The following MROH2A variants were observed in gnomAD, a reference collection of about 807,000 sequenced individuals.
MROH2A encodes the protein maestro heat like repeat family member 2A.
Under a neutral mutation model 200.4 loss-of-function variants are expected in MROH2A, and 174 were observed. That is an observed-to-expected ratio of 0.87 (90% CI 0.77 to 0.98). The LOEUF is 0.98. MROH2A is among the 50% of genes least tolerant of loss of function. The probability of loss-of-function intolerance (pLI) is 0.00; values close to 1 mark genes in which losing one functional copy is unlikely to be tolerated. For synonymous variants in MROH2A, 829 were observed against 840.4 expected (o/e 0.99, Z 0.23); for missense variants, 2,045 against 2,139.6 (o/e 0.96, Z 0.87).
chr2:233,827,665 A>G (rs17862900), intron 35 of MROH2A, among the ~76,000 whole-genome samples: 20,126 of 152,102 alleles, frequency 0.13, 1,483 homozygotes, highest in Non-Finnish European at 0.16. Context: ...GCAAACCACT[A>G]TGACACACGT....
At chr2:233,806,611 T>C (rs1231278983) in intron 19 of MROH2A, among the ~76,000 whole-genome samples, 1 of 152,146 alleles carries the variant, frequency 6.6e-6, no homozygotes, top group African/African-American at 2.4e-5. Context: ...TTCTCACTGA[T>C]CATGACGTAT....
At chr2:233,794,957 A>C (rs938244086) in intron 8 of MROH2A, among the ~76,000 whole-genome samples, 12 of 152,086 alleles carry the variant, frequency 7.9e-5, no homozygotes, top group Non-Finnish European at 1.0e-4. Context: ...ATGTTCTGTG[A>C]CTGTGGCAGC....
chr2:233,790,452 CCCTTCCTTCCTCCCTCCCT>C (rs372284787), intron 5 of MROH2A, among the ~76,000 whole-genome samples: 4,186 of 41,094 alleles, frequency 0.1, 340 homozygotes, highest in East Asian at 0.15. Flanking sequence ...CTCCCTCCCC[CCCTTCCTTCCTCCCTCCCT>C]CCTTCCTTCC....
Position 233,792,811 on chromosome 2 carries a change from C to T in MROH2A, c.587C>T (p.Pro196Leu), listed in dbSNP as rs1701867766. The change falls in exon 6 of 42, where the codon CCA becomes CTA. Residue 196 changes from proline to leucine, a missense_variant. Pro to Leu is a moderately conservative substitution (Grantham distance 98). This residue lies in a region of MROH2A where 831 missense variants were observed against 800.0 expected (regional missense o/e 1.04). Coordinates refer to ENST00000389758, the MANE Select transcript of MROH2A (RefSeq NM_001394639.1). ...AACCTCACAGTGTTTGAGTTCATGC[C>T]ATACATGGGCATCACCCTGGCTACC... is the stretch of plus-strand genomic sequence containing the variant. ...LANGNVFEFM[P>L]YMGITLATIF... 4 of 1,546,576 alleles carry T rather than the reference C, an allele frequency of 2.6e-6. No homozygotes were observed. In the African/African-American group the frequency reaches 5.5e-5, roughly 21 times the overall value.
chr2:233,789,603 C>A lies in MROH2A; in HGVS notation c.383C>A (p.Ser128Tyr). 1 of 1,479,702 alleles carries A rather than the reference C, an allele frequency of 6.8e-7. No individual in the cohort carries two copies. The highest frequency in any genetic ancestry group is 9.0e-7 in the Non-Finnish European group (1 of 1,113,414). 91.7% of individuals were successfully genotyped at this position (1,479,702 alleles called of 1,614,324 possible). ...QCVQRLVAIA[S>Y]KEMREIPEME... is the part of the protein sequence containing the mutation. ...GTGCAGAGGCTGGTGGCCATTGCCTCCAAGGAGATGAGGGAGATCCCAGAG... is the reference window on the plus strand; with the variant it reads ...GTGCAGAGGCTGGTGGCCATTGCCTACAAGGAGATGAGGGAGATCCCAGAG... The change falls in exon 4 of 42, where the codon TCC becomes TAC. Residue 128 changes from serine to tyrosine, a missense_variant. Around this residue, in one of 3 missense-constraint regions of MROH2A, gnomAD observed 831 missense variants for 800.0 expected, o/e 1.04. Coordinates refer to ENST00000389758, the MANE Select transcript of MROH2A (RefSeq NM_001394639.1).
chr2:233,813,774 T>C lies in MROH2A; in HGVS notation c.2756T>C (p.Ile919Thr), dbSNP rs550339882. Residue 919 changes from isoleucine to threonine, a missense_variant, in exon 25 of 42, where the codon ATT becomes ACT. Transcript: ENST00000389758. ...LQLPGEDNES[I>T]KTLYANALSS... ...CTCCCAGGAGAGGACAATGAGTCCA[T>C]TAAGGTAGGTCCCTCTGGGATGCCT... 3.1e-5 allele frequency: 47 copies of C among 1,528,284 alleles called. No homozygotes were observed. The highest frequency in any genetic ancestry group is 2.7e-5 in the Non-Finnish European group (30 of 1,126,870). 94.7% of individuals were successfully genotyped at this position (1,528,284 alleles called of 1,614,324 possible). A position where few individuals can be genotyped will look rare whatever the true frequency, so the allele number is the denominator to read the frequency against.
chr2:233,789,489 T>C lies in MROH2A; in HGVS notation c.277-8T>C. 1.4e-6 allele frequency: 2 copies of C among 1,410,568 alleles called. No individual in the cohort carries two copies. Among genetic ancestry groups the C allele is most frequent in the South Asian group, 1.7e-5 (1 of 58,898 alleles). The allele number at this position is 1,410,568 out of a possible 1,614,324, so 87.4% of individuals were successfully genotyped here. A position where few individuals can be genotyped will look rare whatever the true frequency, so the allele number is the denominator to read the frequency against. ...AGGTCCATTCCACCCACCATACTTG[T>C]TTCCCAGATTTCCACCCAGCGCAAG... On this transcript the variant is annotated splice_polypyrimidine_tract_variant and splice_region_variant and intron_variant, in intron 3 of 41. Transcript: ENST00000389758.
At position 233,814,659 on chromosome 2, in the gene MROH2A, GC is replaced by G; in HGVS notation, c.2839del (p.Leu947CysfsTer24). On this transcript the variant is annotated frameshift_variant, in exon 26 of 42. Transcript: ENST00000389758. LOFTEE classifies it high-confidence loss of function. ...LLQRQLDPKG[L>X]QEMVQLLEKW... is the part of the protein sequence containing the mutation. ...TGCAGAGGCAGCTGGACCCCAAGGG[GC>G]TGCAGGAGATGGTGCAGGTGAGTTG... The G allele has an allele frequency of 1.9e-6, 3 of 1,550,342 alleles. No individual in the cohort carries two copies. The highest frequency in any genetic ancestry group is 2.6e-6 in the Non-Finnish European group (3 of 1,146,856).
chr2:233,787,523 T>C (rs1238750171), intron 3 of MROH2A, among the ~76,000 whole-genome samples: 5 of 122,324 alleles, frequency 4.1e-5, no homozygotes, highest in African/African-American at 6.5e-5. Context: ...TATACATATA[T>C]ATTACATATA....
intron 22 of MROH2A, among the ~76,000 whole-genome samples, chr2:233,809,487 C>T (rs1198041205): frequency 6.6e-6 from 1 of 152,092 alleles, no homozygotes; most frequent in East Asian, 1.9e-4. Context: ...TTGAGGATAG[C>T]CCCTCTTCCA....
chr2:233,830,645 T>A (rs62192271), intron 38 of MROH2A, among the ~76,000 whole-genome samples: 3 of 81,420 alleles, frequency 3.7e-5, no homozygotes, highest in Non-Finnish European at 9.4e-5. Flanking sequence ...GGGATGGCCC[T>A]GGTGGCCCAG....
chr2:233,791,990 G>A (rs992796971), intron 5 of MROH2A, among the ~76,000 whole-genome samples: 11 of 152,054 alleles, frequency 7.2e-5, no homozygotes, highest in African/African-American at 1.2e-4. Context: ...GGCCTGTTAC[G>A]GCTCCCTTCC....
rs35689250 is a variant in MROH2A at position 233,779,282 on chromosome 2, G to A, written c.-14-63G>A. 1.0e-3 allele frequency: 1,055 copies of A among 1,039,994 alleles called. 7 individuals carry two copies. The highest frequency in any genetic ancestry group is 6.0e-3 in the African/African-American group (378 of 63,010). 64.4% of individuals were successfully genotyped at this position (1,039,994 alleles called of 1,614,324 possible). A position where few individuals can be genotyped will look rare whatever the true frequency, so the allele number is the denominator to read the frequency against. ...ATGGCTTTATGGAAGGGTGTGGGTC[G>A]TTGGGGTCATCTTAAGGTGTGTGTC... is the stretch of plus-strand genomic sequence containing the variant. On this transcript the variant is annotated intron_variant, in intron 1 of 41. Transcript: ENST00000389758.
intron 26 of MROH2A, among the ~76,000 whole-genome samples, chr2:233,816,186 A>G (rs568628220): frequency 1.3e-5 from 2 of 152,306 alleles, no homozygotes; most frequent in East Asian, 1.9e-4. Flanking sequence ...CAAAATGTCT[A>G]TTAGGCCAAG....
chr2:233,796,097 C>T (rs561247271), intron 10 of MROH2A, 52 bp downstream of exon 10: 30 of 1,534,576 alleles, frequency 2.0e-5, no homozygotes, highest in Non-Finnish European at 2.6e-5. Context: ...CTGCAGGAGG[C>T]CTGTAGGAGT....
intron 14 of MROH2A, 37 bp downstream of exon 14, chr2:233,800,352 C>T (rs767947607): frequency 7.8e-7 from 1 of 1,282,618 alleles, no homozygotes; most frequent in Non-Finnish European, 1.1e-6. Flanking sequence ...AGTGGGTCAC[C>T]ACGCCAGGCT....
intron 31 of MROH2A, among the ~76,000 whole-genome samples, chr2:233,821,808 G>A (rs975293182): frequency 2.0e-5 from 3 of 152,088 alleles, no homozygotes; most frequent in African/African-American, 4.8e-5. Flanking sequence ...GCACTAGGAG[G>A]TATTGTGGGA....
At chr2:233,786,215 A>G (rs1362101123) in intron 3 of MROH2A, among the ~76,000 whole-genome samples, 1 of 152,176 alleles carries the variant, frequency 6.6e-6, no homozygotes, top group Non-Finnish European at 1.5e-5. Flanking sequence ...ACGTGGAACT[A>G]TGAGTCCATT....
intron 26 of MROH2A, among the ~76,000 whole-genome samples, chr2:233,816,225 G>A (rs1352993180): frequency 6.6e-6 from 1 of 152,128 alleles, no homozygotes; most frequent in Non-Finnish European, 1.5e-5. Flanking sequence ...CAGGTTTTCT[G>A]TCTCCTTTTT....
Sources: gnomAD v4.1 joint callset for allele counts (sites outside exome capture counted in the v4.1 genomes callset) on GRCh38, gnomAD v4.1.1 for gene constraint, gnomAD v4.1.1 regional missense constraint, MANE v1.5 for transcripts, NCBI Gene and HGNC (gene_info 2026-07-23, HGNC 2026-07-21) for gene names.